Variants in SUSD1 observed in about 807,000 individuals in gnomAD.
SUSD1 encodes sushi domain containing 1.
SUSD1 carries 65 observed loss-of-function variants against 86.9 expected under a neutral mutation model. The observed-to-expected ratio is 0.75, with a 90% confidence interval of 0.61 to 0.92. SUSD1 has a LOEUF of 0.92. Among genes scored for constraint, SUSD1 ranks in the 40% least tolerant of loss-of-function variants. SUSD1 has a pLI of 0.00. For synonymous variants in SUSD1, 346 were observed against 350.0 expected, an observed-to-expected ratio of 0.99 and a Z score of 0.13; for missense variants, 850 against 929.7, an observed-to-expected ratio of 0.91 and a Z score of 1.11.
intron 3 of SUSD1, among the ~76,000 whole-genome samples, chr9:112,144,769 C>T (rs954654291): frequency 6.6e-6 from 1 of 151,474 alleles, no homozygotes; most frequent in Non-Finnish European, 1.5e-5. Context: ...AATGAGACAG[C>T]CTTAAAACAG....
chr9:112,056,710 TTGTGTG>T (rs58974133), intron 14 of SUSD1, among the ~76,000 whole-genome samples: 6 of 146,914 alleles, frequency 4.1e-5, no homozygotes, highest in Non-Finnish European at 9.0e-5. Flanking sequence ...CCAGAATTCT[TTGTGTG>T]TGTGTGTGTG....
chr9:112,123,015 A>C (rs1417822989), intron 6 of SUSD1, among the ~76,000 whole-genome samples: 2 of 152,222 alleles, frequency 1.3e-5, no homozygotes, highest in Non-Finnish European at 2.9e-5. Context: ...TTGCAAGATG[A>C]AAAAGTTCTG....
rs540710536 is a variant in SUSD1 at position 112,078,662 on chromosome 9, G to C, written c.1629C>G (p.Ile543Met). The change falls in exon 12 of 17, where the codon ATC becomes ATG. Residue 543 changes from isoleucine (I) to methionine (M), a missense_variant. Coordinates refer to ENST00000374270, the MANE Select transcript of SUSD1 (RefSeq NM_022486.5). ...KEFAQEMTFN[I>M]SSSSRDPEVC... ...CCTCGGGATCTCGGCTGCTGCTACT[G>C]ATATTAAAGGTCATTTCCTGGGCAA... 4.3e-6 allele frequency: 7 copies of C among 1,613,916 alleles called. No homozygotes were observed. Among genetic ancestry groups the C allele is most frequent in the Non-Finnish European group, 5.9e-6 (7 of 1,179,946 alleles).
At chr9:112,103,414 C>T (rs574110197) in intron 8 of SUSD1, among the ~76,000 whole-genome samples, 5 of 152,274 alleles carry the variant, frequency 3.3e-5, no homozygotes, top group Non-Finnish European at 5.9e-5. Flanking sequence ...CACATGTATG[C>T]ATGTGATTGT....
intron 12 of SUSD1, among the ~76,000 whole-genome samples, chr9:112,072,499 C>G (rs1829327687): frequency 6.6e-6 from 1 of 152,142 alleles, no homozygotes. Context: ...TAAATTGTTA[C>G]AGCTCAGCAA....
At position 112,078,619 on chromosome 9, in the gene SUSD1, GA is replaced by G. The variant is rs1269464410; in HGVS notation, c.1671del (p.Pro558ArgfsTer22). 6.2e-7 allele frequency: 1 copy of G among 1,614,072 alleles called. No homozygotes were observed. Among genetic ancestry groups the G allele is most frequent in the Non-Finnish European group, 8.5e-7 (1 of 1,179,976 alleles). ...SRDPEVCLDL[R>X]PGTNYNVSLR... ...AGACTGACATTGTAGTTGGTACCCGGACGTAGGTCCAAGCACACCTCGGGAT... is the reference window on the plus strand; with the variant it reads ...AGACTGACATTGTAGTTGGTACCCGGCGTAGGTCCAAGCACACCTCGGGAT... On this transcript the variant is annotated frameshift_variant, in exon 12 of 17. Transcript: ENST00000374270. LOFTEE classifies it high-confidence loss of function.
rs752845154 is a variant in SUSD1, at chr9:112,098,543, AT to A, written c.1400del (p.Tyr467LeufsTer3). ...VCLDLYPTTD[Y>X]TVNVTLLRSP... Reference sequence around the variant, plus strand: ...ATCTCAGCAGGGTCACATTCACCGTATAATCAGTCGTAGGGTACAGATCCAA... The same window carrying A: ...ATCTCAGCAGGGTCACATTCACCGTAAATCAGTCGTAGGGTACAGATCCAA... On this transcript the variant is annotated frameshift_variant, in exon 10 of 17. Coordinates refer to ENST00000374270, the MANE Select transcript of SUSD1 (RefSeq NM_022486.5). LOFTEE classifies it high-confidence loss of function. 63 of 1,614,202 alleles carry A rather than the reference AT, an allele frequency of 3.9e-5. 1 individual carries two copies. The South Asian group carries it at 6.7e-4, about 17-fold the overall frequency.
intron 1 of SUSD1, among the ~76,000 whole-genome samples, chr9:112,159,958 A>G (rs1218379675): frequency 6.6e-6 from 1 of 152,036 alleles, no homozygotes; most frequent in Non-Finnish European, 1.5e-5. Context: ...CATGGTTAGC[A>G]TGTTTGGAAA....
intron 9 of SUSD1, among the ~76,000 whole-genome samples, chr9:112,099,161 G>C (rs1223351730): frequency 6.6e-6 from 1 of 151,912 alleles, no homozygotes; most frequent in Non-Finnish European, 1.5e-5. Flanking sequence ...GTGATCCTCA[G>C]CCTCCCGAGT....
chr9:112,078,817 T>A, intron 11 of SUSD1, 93 bp from the exon 12 acceptor site: 1 of 1,086,610 alleles, frequency 9.2e-7, no homozygotes, highest in Non-Finnish European at 1.3e-6. Flanking sequence ...TTCTCTTTTT[T>A]TTTTTTTTTT....
intron 15 of SUSD1, among the ~76,000 whole-genome samples, chr9:112,047,992 C>A (rs1010801824): frequency 6.6e-6 from 1 of 152,138 alleles, no homozygotes; most frequent in Non-Finnish European, 1.5e-5. Flanking sequence ...GGACTAGGGT[C>A]CCCATTTTCT....
At chr9:112,121,176 T>C (rs544216261) in intron 6 of SUSD1, among the ~76,000 whole-genome samples, 1 of 152,372 alleles carries the variant, frequency 6.6e-6, no homozygotes, top group South Asian at 2.1e-4. Context: ...ATGAGACCTC[T>C]CTAAGAGAAG....
chr9:112,046,654 G>A (rs551847597), intron 15 of SUSD1, among the ~76,000 whole-genome samples: 6 of 152,198 alleles, frequency 3.9e-5, no homozygotes, highest in Admixed American at 1.3e-4. Flanking sequence ...GAATATACAC[G>A]GGCATGGTCA....
At chr9:112,167,702 AG>A (rs1165818623) in intron 1 of SUSD1, among the ~76,000 whole-genome samples, 1 of 152,226 alleles carries the variant, frequency 6.6e-6, no homozygotes, top group African/African-American at 2.4e-5. Flanking sequence ...TAAAATGAGA[AG>A]AATAATAAAC....
At chr9:112,154,970 G>A (rs900963610) in intron 2 of SUSD1, among the ~76,000 whole-genome samples, 9 of 152,142 alleles carry the variant, frequency 5.9e-5, no homozygotes, top group Non-Finnish European at 8.8e-5. Context: ...AAAGGGCAGG[G>A]CCAGGTGCGG....
chr9:112,055,541 C>G (rs1220228170), intron 14 of SUSD1, among the ~76,000 whole-genome samples: 2 of 152,136 alleles, frequency 1.3e-5, no homozygotes. Context: ...AAATTGGAAG[C>G]CCTACGCACT....
chr9:112,157,990 AT>A (rs368323000), intron 1 of SUSD1, among the ~76,000 whole-genome samples: 5,230 of 146,076 alleles, frequency 0.036, 232 homozygotes, highest in African/African-American at 0.089. Context: ...CACCTGGCTA[AT>A]TTTTTTTTTT....
At position 112,041,131 on chromosome 9, in the gene SUSD1, C is replaced by T. The variant is rs990948936; in HGVS notation, c.*361G>A. On this transcript the variant is annotated 3_prime_UTR_variant, in exon 17 of 17. Coordinates refer to ENST00000374270, the MANE Select transcript of SUSD1 (RefSeq NM_022486.5). Reference sequence around the variant, plus strand: ...GAGGTTGCAGAGATTCTCTTGCAGTCAATGTCTAGAGGAGCTGACCCTCAG... The same window carrying T: ...GAGGTTGCAGAGATTCTCTTGCAGTTAATGTCTAGAGGAGCTGACCCTCAG... The T allele has an allele frequency of 2.8e-4, 113 of 409,684 alleles. No homozygotes were observed. Among genetic ancestry groups the T allele is most frequent in the Middle Eastern group, 2.6e-3 (4 of 1,510 alleles). 25.4% of individuals were successfully genotyped at this position (409,684 alleles called of 1,614,324 possible).
chr9:112,143,585 C>A lies in SUSD1; in HGVS notation c.412G>T (p.Gly138Ter). 6.2e-7 allele frequency: 1 copy of A among 1,613,954 alleles called. No individual in the cohort carries two copies. The highest frequency in any genetic ancestry group is 8.5e-7 in the Non-Finnish European group (1 of 1,179,958). Residue 138 changes from glycine (G) to a stop codon, truncating the protein, a stop_gained, in exon 4 of 17, where the codon GGA becomes TGA. Transcript: ENST00000374270. LOFTEE classifies it high-confidence loss of function. Reference sequence around the variant, plus strand: ...CCATGAGTGTTCACGCATCGCCCTCCATGCCTGCACAGGCCAGAAACTTCA... The same window carrying A: ...CCATGAGTGTTCACGCATCGCCCTCAATGCCTGCACAGGCCAGAAACTTCA... The part of the protein sequence containing the change: ...ECEVSGLCRH[G>*]GRCVNTHGSF...
Sources: gnomAD v4.1 joint callset for allele counts (sites outside exome capture counted in the v4.1 genomes callset) on GRCh38, gnomAD v4.1.1 for gene constraint, MANE v1.5 for transcripts, NCBI Gene and HGNC (gene_info 2026-07-23, HGNC 2026-07-21) for gene names.